The following CSGALNACT1 variants were observed in gnomAD, a reference collection of about 807,000 sequenced individuals.
The protein encoded by CSGALNACT1 is chondroitin sulfate N-acetylgalactosaminyltransferase 1.
In CSGALNACT1, 52 loss-of-function variants were observed where a neutral mutation model predicts 51.0. The observed-to-expected ratio is 1.02, with a 90% confidence interval of 0.82 to 1.29. The LOEUF (loss-of-function observed/expected upper bound fraction) is 1.29. Ranked by LOEUF, CSGALNACT1 falls within the 50% of genes most tolerant of loss-of-function variation. The probability of loss-of-function intolerance (pLI) is 0.00; values close to 1 mark genes in which losing one functional copy is unlikely to be tolerated. For missense variants in CSGALNACT1, 935 were observed against 679.2 expected, an observed-to-expected ratio of 1.38 and a Z score of -4.19; for synonymous variants, 341 against 254.4, an observed-to-expected ratio of 1.34 and a Z score of -3.24.
exon 4 of CSGALNACT1, chr8:19,505,828 T>C: frequency 1.2e-6 from 2 of 1,611,116 alleles, no homozygotes; most frequent in Non-Finnish European, 1.7e-6. Context: ...CGGCGAACCA[T>C]CATCATTCAG....
chr8:19,410,326 G>T (rs1347608596), intron 8 of CSGALNACT1, among the ~76,000 whole-genome samples: 1 of 152,194 alleles, frequency 6.6e-6, no homozygotes, highest in Non-Finnish European at 1.5e-5. Context: ...AGGCGGCAAA[G>T]TCTGGAAAAG....
intron 3 of CSGALNACT1, among the ~76,000 whole-genome samples, chr8:19,514,954 A>G (rs1312865786): frequency 6.6e-6 from 1 of 152,222 alleles, no homozygotes; most frequent in South Asian, 2.1e-4. Context: ...ACCCTGATGG[A>G]CCATCCTGGA....
intron 6 of CSGALNACT1, among the ~76,000 whole-genome samples, chr8:19,439,136 G>C (rs2060884192): frequency 1.3e-5 from 2 of 152,224 alleles, no homozygotes; most frequent in South Asian, 4.1e-4. Flanking sequence ...ACTGGTAGAA[G>C]ATGCCATGGG....
intron 3 of CSGALNACT1, among the ~76,000 whole-genome samples, chr8:19,521,060 G>A (rs748416669): frequency 6.6e-6 from 1 of 152,156 alleles, no homozygotes; most frequent in Non-Finnish European, 1.5e-5. Flanking sequence ...AAGGGCAAAA[G>A]GGAGGTGTGC....
chr8:19,634,717 G>A (rs2055781593), intron 1 of CSGALNACT1, among the ~76,000 whole-genome samples: 1 of 152,116 alleles, frequency 6.6e-6, no homozygotes, highest in African/African-American at 2.4e-5. Context: ...TCAGCCATAT[G>A]GAGACACAGA....
At chr8:19,663,010 G>C (rs1357800004) in intron 1 of CSGALNACT1, among the ~76,000 whole-genome samples, 1 of 152,206 alleles carries the variant, frequency 6.6e-6, no homozygotes, top group East Asian at 1.9e-4. Flanking sequence ...AAAAGTGCTA[G>C]TGCTACAAAT....
chr8:19,683,598 A>C (rs190454931), upstream of CSGALNACT1, among the ~76,000 whole-genome samples: 292 of 152,296 alleles, frequency 1.9e-3, 3 homozygotes, highest in Non-Finnish European at 3.4e-4. Flanking sequence ...TGCCAAAAAC[A>C]CACAAAAAAT....
At chr8:19,458,609 A>C (rs1409339045) in exon 5 of CSGALNACT1, 1 of 1,614,218 alleles carries the variant, frequency 6.2e-7, no homozygotes, top group Non-Finnish European at 8.5e-7. Flanking sequence ...GAGCTCATAC[A>C]ATGTCCCTTT....
intron 2 of CSGALNACT1, among the ~76,000 whole-genome samples, chr8:19,598,055 G>C (rs1339886622): frequency 6.6e-6 from 1 of 152,236 alleles, no homozygotes; most frequent in Non-Finnish European, 1.5e-5. Context: ...GGAGGGTCAA[G>C]AGGAAGGGGA....
At chr8:19,499,684 T>C (rs1340784527) in intron 4 of CSGALNACT1, among the ~76,000 whole-genome samples, 1 of 152,200 alleles carries the variant, frequency 6.6e-6, no homozygotes, top group Non-Finnish European at 1.5e-5. Flanking sequence ...AGACTCATAA[T>C]TCCATGTTCC....
At chr8:19,540,409 C>A (rs1365567459) in intron 3 of CSGALNACT1, among the ~76,000 whole-genome samples, 1 of 152,144 alleles carries the variant, frequency 6.6e-6, no homozygotes, top group Non-Finnish European at 1.5e-5. Flanking sequence ...GATTCGTACC[C>A]CATCGGCTCA....
chr8:19,654,210 C>T (rs1342129405), intron 1 of CSGALNACT1, among the ~76,000 whole-genome samples: 1 of 152,194 alleles, frequency 6.6e-6, no homozygotes, highest in African/African-American at 2.4e-5. Context: ...CCAGCTGTTT[C>T]TCCAAATTCA....
chr8:19,618,653 AAAAGAAAG>A lies in CSGALNACT1; in HGVS notation c.-543-16796_-543-16789del, dbSNP rs71545557. ...TCAAAAAAAAAAAAAAAAAAAAAAA[AAAAGAAAG>A]AAAGAAAGAAAGAAAGAGAAAAAAA... On this transcript the variant is annotated intron_variant, in intron 1 of 9. Transcript: ENST00000332246. 2.4e-3 allele frequency among the ~76,000 whole-genome samples: 222 copies of A among 91,232 alleles called. 1 individual carries two copies. Among genetic ancestry groups the A allele is most frequent in the African/African-American group, 3.6e-3 (62 of 17,306 alleles). 59.9% of individuals were successfully genotyped at this position (91,232 alleles called of 152,430 possible).
At chr8:19,633,239 G>C (rs983816951) in intron 1 of CSGALNACT1, among the ~76,000 whole-genome samples, 1 of 152,104 alleles carries the variant, frequency 6.6e-6, no homozygotes, top group Non-Finnish European at 1.5e-5. Flanking sequence ...TGAGTCTCGA[G>C]GCTGGAGAGT....
intron 1 of CSGALNACT1, among the ~76,000 whole-genome samples, chr8:19,635,553 T>G (rs543772629): frequency 6.6e-6 from 1 of 152,194 alleles, no homozygotes; most frequent in Non-Finnish European, 1.5e-5. Flanking sequence ...CCCCCTTGTC[T>G]GTAGTCTCAC....
chr8:19,746,677 C>T (rs534472023), intron 1 of CSGALNACT1, among the ~76,000 whole-genome samples: 2 of 152,316 alleles, frequency 1.3e-5, no homozygotes, highest in Middle Eastern at 3.4e-3. Flanking sequence ...TTGGTTCTCT[C>T]ATTAATTCCA....
At chr8:19,701,496 G>C (rs145433345) in intron 1 of CSGALNACT1, among the ~76,000 whole-genome samples, 175 of 152,140 alleles carry the variant, frequency 1.2e-3, no homozygotes, top group African/African-American at 4.1e-3. Flanking sequence ...CAGCAACTGT[G>C]TACCTCCAGT....
intron 3 of CSGALNACT1, among the ~76,000 whole-genome samples, chr8:19,542,314 C>A (rs561450409): frequency 1.3e-5 from 2 of 151,658 alleles, no homozygotes; most frequent in South Asian, 4.2e-4. Flanking sequence ...AAACACTGTC[C>A]GTCAAACCAG....
chr8:19,414,497 A>T (rs1034945623), intron 8 of CSGALNACT1, among the ~76,000 whole-genome samples: 2 of 152,224 alleles, frequency 1.3e-5, no homozygotes, highest in African/African-American at 4.8e-5. Flanking sequence ...TAAACTAAAA[A>T]AATTTAAATG....
Sources: allele counts gnomAD v4.1 joint callset (sites outside exome capture counted in the v4.1 genomes callset), GRCh38; gene constraint gnomAD v4.1.1; transcripts MANE v1.5; gene names NCBI Gene and HGNC (gene_info 2026-07-23, HGNC 2026-07-21).